FBLN1: variants seen among roughly 807,000 people sequenced by gnomAD.
The protein encoded by FBLN1 is fibulin 1.
A neutral mutation model predicts 89.7 loss-of-function variants in FBLN1; 34 were observed. The ratio of observed to expected loss-of-function variants is 0.38; its 90% CI spans 0.29 to 0.50. FBLN1 has a LOEUF of 0.50. Among genes scored for constraint, FBLN1 ranks in the 20% least tolerant of loss-of-function variants. The pLI is 0.92. For missense variants in FBLN1, 777 were observed against 988.1 expected (o/e 0.79, Z 2.86); for synonymous variants, 393 against 391.3 (o/e 1.00, Z -0.05).
intron 14 of FBLN1, chr22:45,564,842 A>G (rs2088887826): frequency 1.2e-6 from 2 of 1,611,966 alleles, no homozygotes; most frequent in East Asian, 2.2e-5. Context: ...TTATGTCACT[A>G]GCATTTCTGT....
At position 45,535,251 on chromosome 22, in the gene FBLN1, G is replaced by C; in HGVS notation, c.836G>C (p.Cys279Ser). 1 of 1,614,144 alleles carries C rather than the reference G, an allele frequency of 6.2e-7. No individual in the cohort carries two copies. The highest frequency in any genetic ancestry group is 8.5e-7 in the Non-Finnish European group (1 of 1,180,022). Residue 279 changes from cysteine (C) to serine (S), a missense_variant, in exon 8 of 17, where the codon TGT (cysteine) becomes TCT (serine). Physicochemically the swap from Cys to Ser is moderately radical, Grantham distance 112. Coordinates refer to ENST00000327858, the MANE Select transcript of FBLN1 (RefSeq NM_006486.3). ...GIHNCLPDFI[C>S]QNTLGSFRCR... is the part of the protein sequence containing the mutation. ...CATAACTGCCTCCCCGATTTTATCTGTCAGAATACTCTGGGATCCTTCCGC... is the reference window on the plus strand; with the variant it reads ...CATAACTGCCTCCCCGATTTTATCTCTCAGAATACTCTGGGATCCTTCCGC...
chr22:45,528,016 T>C lies in FBLN1; in HGVS notation c.484+7T>C, dbSNP rs771700087. The stretch of plus-strand genomic sequence containing the variant: ...GGGGGCCTCCAAGAAACGGGTAACT[T>C]TCCCCCTTCCTTCCCTAATGAGCAG... On this transcript the variant is annotated splice_region_variant and intron_variant, in intron 4 of 16. Coordinates refer to ENST00000327858, the MANE Select transcript of FBLN1 (RefSeq NM_006486.3). 1 of 1,614,046 alleles carries C rather than the reference T, an allele frequency of 6.2e-7. No individual in the cohort carries two copies. Among genetic ancestry groups the C allele is most frequent in the African/African-American group, 1.3e-5 (1 of 75,054 alleles).
At chr22:45,504,384 C>G (rs1313930591) in intron 1 of FBLN1, among the ~76,000 whole-genome samples, 1 of 152,074 alleles carries the variant, frequency 6.6e-6, no homozygotes, top group Non-Finnish European at 1.5e-5. Context: ...GTGTTGGCAC[C>G]AGGAGCCTTC....
intron 6 of FBLN1, 41 bp from the exon 7 acceptor site, chr22:45,533,720 G>A (rs372048171): frequency 2.6e-5 from 41 of 1,603,542 alleles, no homozygotes; most frequent in African/African-American, 5.3e-5. Context: ...AGGATGGGTC[G>A]TTCTTGCTGG....
chr22:45,575,018 A>G lies in FBLN1; in HGVS notation c.1840+365A>G, dbSNP rs1035261556. On this transcript the variant is annotated intron_variant, in intron 15 of 16. Coordinates refer to ENST00000327858, the MANE Select transcript of FBLN1 (RefSeq NM_006486.3). The surrounding 1 kb of genome is among the most constrained non-coding windows in gnomAD (Gnocchi z 6.3). ...AGGATGGTCTCAATCTCCTGACCTC[A>G]TGATCCACCCGCCTCAGCCTCCCAA... 6.6e-5 allele frequency among the ~76,000 whole-genome samples: 10 copies of G among 151,862 alleles called. No homozygotes were observed. The highest frequency in any genetic ancestry group is 1.9e-4 in the East Asian group (1 of 5,138).
intron 2 of FBLN1, among the ~76,000 whole-genome samples, chr22:45,522,869 A>G (rs1386482231): frequency 6.6e-6 from 1 of 152,092 alleles, no homozygotes; most frequent in African/African-American, 2.4e-5. Flanking sequence ...TGCAAATCTC[A>G]CTGAGAGCCT....
In FBLN1 at chr22:45,503,059, C is replaced by T. The variant is rs528661383; in HGVS notation, c.74C>T (p.Ala25Val). Residue 25 changes from alanine (A) to valine (V), a missense_variant, in exon 1 of 17, where the codon GCC becomes GTC. Ala to Val is a moderately conservative substitution (Grantham distance 64). Coordinates refer to ENST00000327858, the MANE Select transcript of FBLN1 (RefSeq NM_006486.3). ...LLLGGLALLAAGVDADVLLEA... is the reference protein window; with the variant it reads ...LLLGGLALLAVGVDADVLLEA... ...CTCGGCGGCCTTGCGCTGCTGGCGG[C>T]CGGAGGTAGGGGCGTCCCGGGTCCG... The T allele has an allele frequency of 6.2e-4, 768 of 1,246,944 alleles. 3 individuals carry two copies. The African/African-American group carries it at 0.011, about 18-fold the overall frequency. 77.2% of individuals were successfully genotyped at this position (1,246,944 alleles called of 1,614,324 possible).
chr22:45,601,051 G>C lies in FBLN1; in HGVS notation c.*605G>C, dbSNP rs1331843463. On this transcript the variant is annotated 3_prime_UTR_variant, in exon 17 of 17. Transcript: ENST00000327858. ...GTGTGGGCCTCCAGTATGTTCACCA[G>C]GGGAATGGCTGGGATTTCTCGGCAC... is the stretch of plus-strand genomic sequence containing the variant. 2 of 161,360 alleles carry C rather than the reference G, an allele frequency of 1.2e-5. No individual in the cohort carries two copies. Among genetic ancestry groups the C allele is most frequent in the Admixed American group, 5.9e-5 (1 of 17,018 alleles). 10.0% of individuals were successfully genotyped at this position (161,360 alleles called of 1,614,324 possible).
At chr22:45,565,163 A>G in intron 14 of FBLN1, 1 of 1,563,522 alleles carries the variant, frequency 6.4e-7, no homozygotes, top group South Asian at 1.1e-5. Flanking sequence ...GTTGTAGTAC[A>G]TTCTCCAAGA....
At position 45,542,224 on chromosome 22, in the gene FBLN1, G is replaced by A; in HGVS notation, c.1136G>A (p.Ser379Asn). The change falls in exon 10 of 17, where the codon AGT becomes AAT. Residue 379 changes from serine (S) to asparagine (N), a missense_variant. By Grantham distance (46) the Ser-to-Asn change is conservative (BLOSUM62 1). Coordinates refer to ENST00000327858, the MANE Select transcript of FBLN1 (RefSeq NM_006486.3). Reference protein sequence around the residue: ...KGHRCVNSPGSFRCECKTGYY... With the variant: ...KGHRCVNSPGNFRCECKTGYY... ...CATCGCTGCGTGAACTCTCCCGGCA[G>A]TTTCCGCTGCGAATGCAAGACGGGT... The A allele has an allele frequency of 6.2e-7, 1 of 1,614,214 alleles. No individual in the cohort carries two copies. Among genetic ancestry groups the A allele is most frequent in the Non-Finnish European group, 8.5e-7 (1 of 1,180,046 alleles).
Position 45,536,412 on chromosome 22 carries a change from C to T in FBLN1, c.922+1075C>T, listed in dbSNP as rs983227200. Among the ~76,000 whole-genome samples, 13 of 152,044 alleles carry T rather than the reference C, an allele frequency of 8.6e-5. No homozygotes were observed. The highest frequency in any genetic ancestry group is 7.2e-4 in the Admixed American group (11 of 15,258). On this transcript the variant is annotated intron_variant, in intron 8 of 16. Coordinates refer to ENST00000327858, the MANE Select transcript of FBLN1 (RefSeq NM_006486.3). This position sits in a 1 kb window ranked among gnomAD's most constrained non-coding sequence, Gnocchi z 5.1. ...CTGAACCGTCTACTTAAAATGGTTA[C>T]GATGGCAGATTTTGTGTTACATAAA...
At chr22:45,567,532 C>A (rs1488691462) in intron 14 of FBLN1, among the ~76,000 whole-genome samples, 1 of 152,190 alleles carries the variant, frequency 6.6e-6, no homozygotes, top group Non-Finnish European at 1.5e-5. Context: ...AGGAGAACTG[C>A]TTGAACCTGG....
Position 45,576,092 on chromosome 22 carries a change from CCCCAGT to C in FBLN1, c.1841-875_1841-870del, listed in dbSNP as rs1451893131. ...AGCACGTGGTTGCCCAAGGAGCCGT[CCCCAGT>C]CCCAGTCCCCCTAGGTTTGCTCCTC... is the stretch of plus-strand genomic sequence containing the variant. On this transcript the variant is annotated intron_variant, in intron 15 of 16. Transcript: ENST00000327858. The surrounding 1 kb of genome is among the most constrained non-coding windows in gnomAD (Gnocchi z 5.2). 6.6e-6 allele frequency among the ~76,000 whole-genome samples: 1 copy of C among 152,196 alleles called. No homozygotes were observed. The highest frequency in any genetic ancestry group is 2.1e-4 in the South Asian group (1 of 4,836).
At chr22:45,518,229 GGAAA>G (rs2088197140) in intron 1 of FBLN1, among the ~76,000 whole-genome samples, 1 of 151,946 alleles carries the variant, frequency 6.6e-6, no homozygotes, top group Non-Finnish European at 1.5e-5. Context: ...TCTCTCCTCT[GGAAA>G]GAGTCATGTC....
rs1297683544 is a variant in FBLN1, at chr22:45,597,704, G to A, written c.1973-2603G>A. Among the ~76,000 whole-genome samples, 1 of 152,158 alleles carries A rather than the reference G, an allele frequency of 6.6e-6. No individual in the cohort carries two copies. Among genetic ancestry groups the A allele is most frequent in the Non-Finnish European group, 1.5e-5 (1 of 68,024 alleles). On this transcript the variant is annotated intron_variant, in intron 16 of 16. Transcript: ENST00000327858. This position sits in a 1 kb window ranked among gnomAD's most constrained non-coding sequence, Gnocchi z 4.2. ...TGCCGGGAGCTGAAGACGTTCATGG[G>A]CTTTCAAGCAGGACAAAGCTTCAAT...
intron 1 of FBLN1, among the ~76,000 whole-genome samples, chr22:45,508,138 T>C (rs2088048381): frequency 2.0e-5 from 3 of 152,014 alleles, no homozygotes. Context: ...ATTGTCCCCC[T>C]CATCAATGAG....
chr22:45,566,568 C>T (rs1215046473), intron 14 of FBLN1, among the ~76,000 whole-genome samples: 1 of 152,216 alleles, frequency 6.6e-6, no homozygotes, highest in Non-Finnish European at 1.5e-5. Context: ...CTGGATACAT[C>T]GTCAGCCTTT....
chr22:45,557,437 T>C lies in FBLN1; in HGVS notation c.1697+6822T>C, dbSNP rs2088803064. 6.6e-6 allele frequency among the ~76,000 whole-genome samples: 1 copy of C among 152,140 alleles called. No homozygotes were observed. Among genetic ancestry groups the C allele is most frequent in the Non-Finnish European group, 1.5e-5 (1 of 68,032 alleles). On this transcript the variant is annotated intron_variant, in intron 14 of 16. Transcript: ENST00000327858. This position sits in a 1 kb window ranked among gnomAD's most constrained non-coding sequence, Gnocchi z 4.9. ...ATGGTGCCACATCGAGGGCTCAGTG[T>C]TGGTCTCTGCTACTGGCGAATTGGG... is the stretch of plus-strand genomic sequence containing the variant.
chr22:45,546,662 A>G (rs529842870), intron 11 of FBLN1, among the ~76,000 whole-genome samples: 1 of 152,244 alleles, frequency 6.6e-6, no homozygotes, highest in South Asian at 2.1e-4. Context: ...AGTTCTGTGC[A>G]TTGGAGTATG....
Sources: gnomAD v4.1 joint callset for allele counts (sites outside exome capture counted in the v4.1 genomes callset) on GRCh38, gnomAD v4.1.1 for gene constraint, Gnocchi (gnomAD v3.1) non-coding constraint, MANE v1.5 for transcripts, NCBI Gene and HGNC (gene_info 2026-07-23, HGNC 2026-07-21) for gene names.